Variants in RNF157 observed in about 807,000 individuals in gnomAD.
RNF157 encodes the protein E3 ubiquitin ligase RNF157.
A neutral mutation model predicts 88.3 loss-of-function variants in RNF157; 55 were observed. That is an observed-to-expected ratio of 0.62 (90% CI 0.50 to 0.78). The LOEUF (loss-of-function observed/expected upper bound fraction) is 0.78. RNF157 is among the 30% of genes least tolerant of loss of function. RNF157 has a pLI of 0.00. For synonymous variants in RNF157, 334 were observed against 341.2 expected (o/e 0.98, Z 0.23); for missense variants, 788 against 860.8 (o/e 0.92, Z 1.06).
In RNF157 at chr17:76,195,021, A is replaced by C. The variant is rs1285436367; in HGVS notation, c.207+17343T>G. Among the ~76,000 whole-genome samples, 1 of 152,194 alleles carries C rather than the reference A, an allele frequency of 6.6e-6. No homozygotes were observed. The highest frequency in any genetic ancestry group is 1.5e-5 in the Non-Finnish European group (1 of 68,034). ...CAGAGCGAGACTCTGTCTCAAAAAA[A>C]CAAAACAAAACACAAGAGCAGAGGG... On this transcript the variant is annotated intron_variant, in intron 2 of 18. Transcript: ENST00000269391. The surrounding 1 kb of genome is among the most constrained non-coding windows in gnomAD (Gnocchi z 4.4).
At chr17:76,170,204 C>G (rs1015233452) in intron 3 of RNF157, among the ~76,000 whole-genome samples, 3 of 151,980 alleles carry the variant, frequency 2.0e-5, no homozygotes, top group Non-Finnish European at 4.4e-5. Context: ...CTGGAGGGCT[C>G]AACATCCAGT....
chr17:76,145,029 G>C lies in RNF157; in HGVS notation c.*206C>G. On this transcript the variant is annotated 3_prime_UTR_variant, in exon 19 of 19. Coordinates refer to ENST00000269391, the MANE Select transcript of RNF157 (RefSeq NM_052916.3). ...CCTGCAAAAGGTCTCGTGAGCTGCA[G>C]TTCATTGAGTGGCTTTAGGTCACAC... 1 of 532,652 alleles carries C rather than the reference G, an allele frequency of 1.9e-6. No homozygotes were observed. Among genetic ancestry groups the C allele is most frequent in the South Asian group, 2.9e-5 (1 of 34,946 alleles). The allele number at this position is 532,652 out of a possible 1,614,324, so 33.0% of individuals were successfully genotyped here. A position where few individuals can be genotyped will look rare whatever the true frequency, so the allele number is the denominator to read the frequency against.
At chr17:76,152,885 G>C (rs193195033) in intron 17 of RNF157, among the ~76,000 whole-genome samples, 1 of 152,294 alleles carries the variant, frequency 6.6e-6, no homozygotes, top group East Asian at 1.9e-4. Flanking sequence ...GTGTGTTTAG[G>C]ACCACATGGC....
At chr17:76,218,983 C>A (rs1337069758) in intron 1 of RNF157, among the ~76,000 whole-genome samples, 1 of 151,462 alleles carries the variant, frequency 6.6e-6, no homozygotes, top group Admixed American at 6.6e-5. Context: ...TACAGTACAG[C>A]TCTCAAAAAA....
chr17:76,230,067 AT>A (rs1398222524), intron 1 of RNF157, among the ~76,000 whole-genome samples: 1 of 152,108 alleles, frequency 6.6e-6, no homozygotes, highest in Non-Finnish European at 1.5e-5. Context: ...ATGTGAATGG[AT>A]TTTTTTGGAG....
intron 18 of RNF157, among the ~76,000 whole-genome samples, chr17:76,149,961 A>G (rs919517261): frequency 4.6e-5 from 7 of 152,068 alleles, no homozygotes; most frequent in African/African-American, 1.7e-4. Context: ...TGACCCCAGG[A>G]GGTGGAGGTT....
intron 1 of RNF157, among the ~76,000 whole-genome samples, chr17:76,220,616 C>T (rs2069965303): frequency 6.6e-6 from 1 of 151,686 alleles, no homozygotes; most frequent in Non-Finnish European, 1.5e-5. Flanking sequence ...TGAGACCAGC[C>T]GAGGCAACAT....
At chr17:76,162,240 C>T (rs2068856706) in intron 9 of RNF157, 1 of 583,468 alleles carries the variant, frequency 1.7e-6, no homozygotes. Flanking sequence ...CCTATAAGGC[C>T]CAGAGCTGGG....
At chr17:76,210,588 C>A (rs1236588902) in intron 2 of RNF157, among the ~76,000 whole-genome samples, 115 of 53,466 alleles carry the variant, frequency 2.2e-3, no homozygotes, top group Middle Eastern at 0.011. Flanking sequence ...AGACTCCGTC[C>A]AAAAAAAAAA....
intron 2 of RNF157, among the ~76,000 whole-genome samples, chr17:76,190,675 T>G (rs1446496517): frequency 1.3e-5 from 2 of 151,064 alleles, no homozygotes; most frequent in Non-Finnish European, 2.9e-5. Flanking sequence ...ATCCCAGCAC[T>G]TTGGGAGGCC....
chr17:76,183,711 GTAAGGAAGAGC>G (rs1459815424), intron 2 of RNF157, among the ~76,000 whole-genome samples: 7 of 151,954 alleles, frequency 4.6e-5, no homozygotes, highest in Non-Finnish European at 7.4e-5. Context: ...GGATTCTACT[GTAAGGAAGAGC>G]TGTCCTTTAT....
At chr17:76,188,551 T>TA (rs1198303970) in intron 2 of RNF157, among the ~76,000 whole-genome samples, 5 of 152,182 alleles carry the variant, frequency 3.3e-5, no homozygotes, top group African/African-American at 1.2e-4. Flanking sequence ...GTTCCAACTT[T>TA]AAACAAGGTG....
In RNF157 at chr17:76,158,480, G is replaced by A. The variant is rs145613557; in HGVS notation, c.1326C>T (p.Ser442=). 3.6e-5 allele frequency: 58 copies of A among 1,613,438 alleles called. No individual in the cohort carries two copies. The highest frequency in any genetic ancestry group is 1.7e-4 in the Middle Eastern group (1 of 6,060). The change falls in exon 13 of 19, where the codon TCC becomes TCT. Residue 442 remains serine (S), a synonymous_variant. Transcript: ENST00000269391. ...GCTCATCTTCCTCTTCATGCAGCACGGAAGAGTTTTGGGAAGTGGATCTGT... is the reference window on the plus strand; with the variant it reads ...GCTCATCTTCCTCTTCATGCAGCACAGAAGAGTTTTGGGAAGTGGATCTGT... ...SLSKSTSQNS[S]VLHEEEDEHS...
At chr17:76,168,761 G>A (rs1475817357) in intron 3 of RNF157, among the ~76,000 whole-genome samples, 1 of 152,066 alleles carries the variant, frequency 6.6e-6, no homozygotes, top group East Asian at 1.9e-4. Flanking sequence ...CACGTGTCCT[G>A]CCAGCTTCCT....
In RNF157 at chr17:76,161,510, G is replaced by C; in HGVS notation, c.1065+25C>G. The C allele has an allele frequency of 6.5e-7, 1 of 1,547,554 alleles. No individual in the cohort carries two copies. The highest frequency in any genetic ancestry group is 2.2e-5 in the East Asian group (1 of 44,540). On this transcript the variant is annotated intron_variant, in intron 11 of 18. Transcript: ENST00000269391. This position sits in a 1 kb window ranked among gnomAD's most constrained non-coding sequence, Gnocchi z 4.6. ...GCCAATGAGGCATTTGCTTCAGAGG[G>C]GCCGTGGTTCCGAGCCCAACTTACT... is the stretch of plus-strand genomic sequence containing the variant.
In RNF157 at chr17:76,173,793, G is replaced by A; in HGVS notation, c.208-3C>T. ...GGAGGTGGGGCGGCGTAAGGAAACTGTGTCAGAAACAAAGCAGGAGAAGGT... is the reference window on the plus strand; with the variant it reads ...GGAGGTGGGGCGGCGTAAGGAAACTATGTCAGAAACAAAGCAGGAGAAGGT... On this transcript the variant is annotated splice_polypyrimidine_tract_variant and splice_region_variant and intron_variant, in intron 2 of 18. Coordinates refer to ENST00000269391, the MANE Select transcript of RNF157 (RefSeq NM_052916.3). 1 of 1,605,878 alleles carries A rather than the reference G, an allele frequency of 6.2e-7. No homozygotes were observed. The highest frequency in any genetic ancestry group is 8.5e-7 in the Non-Finnish European group (1 of 1,175,104).
chr17:76,152,281 A>T, intron 18 of RNF157, 74 bp downstream of exon 18: 1 of 969,542 alleles, frequency 1.0e-6, no homozygotes, highest in Non-Finnish European at 1.7e-6. Flanking sequence ...AGATGGGTGT[A>T]CCAGGGTGAG....
At chr17:76,199,415 C>G (rs1001630394) in intron 2 of RNF157, among the ~76,000 whole-genome samples, 5 of 151,916 alleles carry the variant, frequency 3.3e-5, no homozygotes, top group African/African-American at 1.2e-4. Context: ...CTCCATCATA[C>G]ACAGCTAATT....
intron 2 of RNF157, among the ~76,000 whole-genome samples, chr17:76,200,702 G>A (rs2069560611): frequency 6.6e-6 from 1 of 152,186 alleles, no homozygotes. Flanking sequence ...AGGGAGACAT[G>A]TATTATAAGA....
Sources: gnomAD v4.1 joint callset for allele counts (sites outside exome capture counted in the v4.1 genomes callset) on GRCh38, gnomAD v4.1.1 for gene constraint, Gnocchi (gnomAD v3.1) non-coding constraint, MANE v1.5 for transcripts, NCBI Gene and HGNC (gene_info 2026-07-23, HGNC 2026-07-21) for gene names.